ARHGEF12: variants seen among roughly 807,000 people sequenced by gnomAD.
ARHGEF12 encodes Rho guanine nucleotide exchange factor 12, also known as KMT2A/ARHGEF12 fusion protein.
In ARHGEF12, 66 loss-of-function variants were observed where a neutral mutation model predicts 211.2. The ratio of observed to expected loss-of-function variants is 0.31; its 90% CI spans 0.26 to 0.38. ARHGEF12 has a LOEUF of 0.38. Ranked by LOEUF, ARHGEF12 falls within the 10% of genes least tolerant of loss-of-function variation. ARHGEF12 has a pLI of 1.00. For synonymous variants in ARHGEF12, 592 were observed against 638.4 expected (o/e 0.93, Z 1.09); for missense variants, 1,429 against 1,869.5 (o/e 0.76, Z 4.34).
intron 4 of ARHGEF12, among the ~76,000 whole-genome samples, chr11:120,418,557 G>C (rs1263830410): frequency 6.6e-6 from 1 of 152,192 alleles, no homozygotes; most frequent in Non-Finnish European, 1.5e-5. Context: ...TTTCTCTTCA[G>C]AGTAAAATTA....
At chr11:120,469,779 G>A (rs1240002884) in intron 30 of ARHGEF12, among the ~76,000 whole-genome samples, 5 of 152,204 alleles carry the variant, frequency 3.3e-5, no homozygotes, top group Admixed American at 3.3e-4. Flanking sequence ...TATCAGTTGT[G>A]ATAGCTACTA....
chr11:120,390,362 A>AT, intron 1 of ARHGEF12, among the ~76,000 whole-genome samples: 1 of 152,306 alleles, frequency 6.6e-6, no homozygotes, highest in African/African-American at 2.4e-5. Context: ...TGCTAATGGA[A>AT]TAGATTTGCT....
intron 1 of ARHGEF12, among the ~76,000 whole-genome samples, chr11:120,399,066 G>T (rs1401829871): frequency 6.6e-6 from 1 of 151,860 alleles, no homozygotes; most frequent in African/African-American, 2.4e-5. Flanking sequence ...TGTAATCCCA[G>T]TGCTTTGGGA....
At chr11:120,365,052 G>A (rs1394525833) in intron 1 of ARHGEF12, among the ~76,000 whole-genome samples, 1 of 152,048 alleles carries the variant, frequency 6.6e-6, no homozygotes, top group Non-Finnish European at 1.5e-5. Context: ...CTCCCGAAAT[G>A]GTGGGATTAT....
intron 22 of ARHGEF12, 70 bp from the exon 23 acceptor site, chr11:120,457,048 T>C: frequency 6.6e-7 from 1 of 1,507,978 alleles, no homozygotes; most frequent in Non-Finnish European, 9.0e-7. Context: ...TTCTGGGAAC[T>C]AATTTTTTTT....
At chr11:120,424,130 C>G (rs1039508676) in intron 6 of ARHGEF12, among the ~76,000 whole-genome samples, 1 of 152,006 alleles carries the variant, frequency 6.6e-6, no homozygotes, top group Non-Finnish European at 1.5e-5. Flanking sequence ...ATAAGTTGTA[C>G]TGTTTTGTAT....
intron 5 of ARHGEF12, 103 bp downstream of exon 5, chr11:120,420,954 A>C: frequency 1.0e-6 from 1 of 988,936 alleles, no homozygotes; most frequent in Non-Finnish European, 1.5e-6. Flanking sequence ...CATAGATTGC[A>C]GGTCATGTGG....
rs1346338954 is a variant in ARHGEF12, at chr11:120,440,117, G to A, written c.1000-12G>A. 6.3e-7 allele frequency: 1 copy of A among 1,595,712 alleles called. No individual in the cohort carries two copies. The highest frequency in any genetic ancestry group is 1.7e-5 in the Admixed American group (1 of 57,944). Reference sequence around the variant, plus strand: ...GGTAATTTTTCTGTTTCTTTTCCCTGAATGTTGCCAGGACACTCAATCACT... The same window carrying A: ...GGTAATTTTTCTGTTTCTTTTCCCTAAATGTTGCCAGGACACTCAATCACT... On this transcript the variant is annotated splice_polypyrimidine_tract_variant and intron_variant, in intron 12 of 40. Transcript: ENST00000397843.
At chr11:120,361,633 C>T (rs540039152) in intron 1 of ARHGEF12, among the ~76,000 whole-genome samples, 33 of 152,214 alleles carry the variant, frequency 2.2e-4, no homozygotes, top group South Asian at 4.1e-4. Flanking sequence ...TTACAATTTT[C>T]GAAATATTTC....
At chr11:120,338,441 C>T (rs1296674723) in intron 1 of ARHGEF12, among the ~76,000 whole-genome samples, 4 of 152,234 alleles carry the variant, frequency 2.6e-5, no homozygotes, top group Admixed American at 6.5e-5. Flanking sequence ...CCTGTTGATG[C>T]TTTCCAGCAT....
rs377006470 is a variant in ARHGEF12, at chr11:120,451,599, C to T, written c.1931C>T (p.Ala644Val). The change falls in exon 22 of 41, where the codon GCC becomes GTC. Residue 644 changes from alanine (A) to valine (V), a missense_variant. By Grantham distance (64) the Ala-to-Val change is moderately conservative. Coordinates refer to ENST00000397843, the MANE Select transcript of ARHGEF12 (RefSeq NM_015313.3). ...GTGAGTCCTGAACCTCAGGACTCTG[C>T]CAAGTTGCGCCAGAGTGGGTTAGCA... ...SSVSPEPQDS[A>V]KLRQSGLANE... The T allele has an allele frequency of 2.4e-5, 38 of 1,614,138 alleles. No individual in the cohort carries two copies. The highest frequency in any genetic ancestry group is 3.0e-5 in the Non-Finnish European group (35 of 1,180,020).
chr11:120,393,258 A>ATAATT (rs143938075), intron 1 of ARHGEF12, among the ~76,000 whole-genome samples: 65,216 of 151,504 alleles, frequency 0.43, 14,365 homozygotes, highest in African/African-American at 0.53. Context: ...GTTGATTAAA[A>ATAATT]TAATTTAAAA....
At chr11:120,416,467 G>C (rs560165776) in intron 4 of ARHGEF12, among the ~76,000 whole-genome samples, 13 of 152,164 alleles carry the variant, frequency 8.5e-5, no homozygotes, top group African/African-American at 3.1e-4. Context: ...CCTAACTTCA[G>C]TATGCATATT....
chr11:120,390,071 C>T (rs1459596407), intron 1 of ARHGEF12, among the ~76,000 whole-genome samples: 2 of 151,990 alleles, frequency 1.3e-5, no homozygotes, highest in Non-Finnish European at 2.9e-5. Context: ...TTTTTTTCTC[C>T]TCCTGCTGTT....
intron 4 of ARHGEF12, among the ~76,000 whole-genome samples, chr11:120,415,654 A>C (rs1256953141): frequency 6.6e-6 from 1 of 152,200 alleles, no homozygotes; most frequent in African/African-American, 2.4e-5. Flanking sequence ...ATTTTGAATG[A>C]GAGGGAACAT....
chr11:120,387,605 G>T (rs1178737033), intron 1 of ARHGEF12, among the ~76,000 whole-genome samples: 3 of 152,100 alleles, frequency 2.0e-5, no homozygotes, highest in Admixed American at 2.0e-4. Context: ...ATCAAGTGTA[G>T]TCAAGTAATC....
At chr11:120,451,472 C>T in intron 21 of ARHGEF12, 40 bp from the exon 22 acceptor site, 1 of 1,600,530 alleles carries the variant, frequency 6.2e-7, no homozygotes. Context: ...CCACCGCACC[C>T]AGCCGCAATA....
chr11:120,459,475 C>T, intron 26 of ARHGEF12, 155 bp downstream of exon 26: 1 of 803,644 alleles, frequency 1.2e-6, no homozygotes. Flanking sequence ...TTGACTAGAT[C>T]CTTTTCCTCA....
chr11:120,410,468 A>G (rs1374131957), intron 4 of ARHGEF12: 3 of 152,114 alleles, frequency 2.0e-5, no homozygotes, highest in African/African-American at 7.2e-5. Context: ...CCACAAATCT[A>G]TAGAGCAGAA....
Sources: allele counts gnomAD v4.1 joint callset (sites outside exome capture counted in the v4.1 genomes callset), GRCh38; gene constraint gnomAD v4.1.1; transcripts MANE v1.5; gene names NCBI Gene and HGNC (gene_info 2026-07-23, HGNC 2026-07-21).